The following CDK13 variants were observed in gnomAD, a reference collection of about 807,000 sequenced individuals.
CDK13 encodes the protein cyclin-dependent kinase 13.
Under a neutral mutation model 137.6 loss-of-function variants are expected in CDK13, and 40 were observed. The ratio of observed to expected loss-of-function variants is 0.29; its 90% CI spans 0.23 to 0.38. CDK13 has a LOEUF of 0.38. CDK13 is among the 10% of genes least tolerant of loss of function. The pLI, the probability that CDK13 is intolerant of heterozygous loss-of-function variation, is 1.00. For synonymous variants in CDK13, 869 were observed against 760.1 expected, an observed-to-expected ratio of 1.14 and a Z score of -2.36; for missense variants, 1,704 against 1,951.8, an observed-to-expected ratio of 0.87 and a Z score of 2.39.
rs115728504 is a variant in CDK13, at chr7:39,954,401, A to G, written c.1211+2549A>G. On this transcript the variant is annotated intron_variant, in intron 1 of 13. Transcript: ENST00000181839. ...GTTTTATTTATTTTCAGAATTTATTACTTGTGGTAAGTGGCCCATGTTCTT... is the reference window on the plus strand; with the variant it reads ...GTTTTATTTATTTTCAGAATTTATTGCTTGTGGTAAGTGGCCCATGTTCTT... 6.7e-3 allele frequency among the ~76,000 whole-genome samples: 1,021 copies of G among 152,322 alleles called. 14 individuals are homozygous for G. The highest frequency in any genetic ancestry group is 0.023 in the African/African-American group (975 of 41,570).
chr7:40,039,085 C>T (rs768460531), intron 5 of CDK13, among the ~76,000 whole-genome samples: 7 of 152,122 alleles, frequency 4.6e-5, no homozygotes, highest in Non-Finnish European at 8.8e-5. Flanking sequence ...GTCTCTCTTT[C>T]TCACTTTTTT....
chr7:40,003,206 A>ACACACACACACACACT (rs374470130), intron 5 of CDK13, among the ~76,000 whole-genome samples: 1 of 79,864 alleles, frequency 1.3e-5, no homozygotes, highest in African/African-American at 4.8e-5. Context: ...ACACACACAC[A>ACACACACACACACACT]CTCTCTCTCT....
intron 5 of CDK13, among the ~76,000 whole-genome samples, chr7:40,040,652 G>C (rs1234552934): frequency 1.3e-5 from 2 of 152,080 alleles, no homozygotes; most frequent in Non-Finnish European, 2.9e-5. Context: ...GTACTTTTCT[G>C]TCTTGTAAGA....
intron 11 of CDK13, among the ~76,000 whole-genome samples, chr7:40,083,939 A>AG (rs35292619): frequency 0.15 from 23,351 of 152,242 alleles, 2,330 homozygotes; most frequent in Middle Eastern, 0.28. Context: ...TTATGAGGTA[A>AG]GGACTATGAA....
intron 9 of CDK13, chr7:40,072,697 G>C (rs187903314): frequency 6.6e-6 from 1 of 152,210 alleles, no homozygotes; most frequent in Non-Finnish European, 1.5e-5. Context: ...AACTGTTGCT[G>C]TATATCAGTC....
chr7:39,960,498 C>G (rs1174087454), intron 1 of CDK13, among the ~76,000 whole-genome samples: 1 of 152,020 alleles, frequency 6.6e-6, no homozygotes, highest in Non-Finnish European at 1.5e-5. Context: ...ACCTCGTGAT[C>G]CGCCCGCCTT....
At chr7:39,984,988 A>G (rs1191340749) in intron 1 of CDK13, 2 of 146,686 alleles carry the variant, frequency 1.4e-5, no homozygotes, top group Non-Finnish European at 3.0e-5. Context: ...CTGGAGCGAG[A>G]CTCTGACTAA....
chr7:40,010,610 A>T (rs1784874890), intron 5 of CDK13, among the ~76,000 whole-genome samples: 1 of 152,322 alleles, frequency 6.6e-6, no homozygotes, highest in Non-Finnish European at 1.5e-5. Flanking sequence ...TGAAACTGGG[A>T]GACAGAGGTT....
chr7:40,003,135 A>T (rs773396), intron 5 of CDK13, among the ~76,000 whole-genome samples: 2 of 146,328 alleles, frequency 1.4e-5, no homozygotes, highest in African/African-American at 2.6e-5. Context: ...TGGTACTTAG[A>T]CTCCTGTCTT....
chr7:39,972,455 A>T (rs991259412), intron 1 of CDK13, among the ~76,000 whole-genome samples: 4 of 152,210 alleles, frequency 2.6e-5, no homozygotes, highest in African/African-American at 9.7e-5. Context: ...CTCCATGGCT[A>T]TTTAGCAGTC....
At chr7:39,963,933 C>A (rs1392812624) in intron 1 of CDK13, among the ~76,000 whole-genome samples, 1 of 152,160 alleles carries the variant, frequency 6.6e-6, no homozygotes, top group Non-Finnish European at 1.5e-5. Context: ...TATTGATTTG[C>A]ATATGTTGAA....
chr7:40,076,528 G>C (rs1786548068), intron 9 of CDK13, among the ~76,000 whole-genome samples: 1 of 152,176 alleles, frequency 6.6e-6, no homozygotes, highest in Non-Finnish European at 1.5e-5. Context: ...TGCTACAGGA[G>C]TTGGGCTTTC....
In CDK13 at chr7:40,094,984, T is replaced by C. The variant is rs1787015102; in HGVS notation, c.*4T>C. The C allele has an allele frequency of 7.3e-7, 1 of 1,369,394 alleles. No individual in the cohort carries two copies. Among genetic ancestry groups the C allele is most frequent in the Non-Finnish European group, 9.5e-7 (1 of 1,056,498 alleles). The allele number at this position is 1,369,394 out of a possible 1,614,324, so 84.8% of individuals were successfully genotyped here. A position where few individuals can be genotyped will look rare whatever the true frequency, so the allele number is the denominator to read the frequency against. ...AGGCAGAGGGTTACCATACTGAGTA[T>C]CTGTTTTTCCTCAGGCACATCATTT... On this transcript the variant is annotated 3_prime_UTR_variant, in exon 14 of 14. Coordinates refer to ENST00000181839, the MANE Select transcript of CDK13 (RefSeq NM_003718.5).
intron 5 of CDK13, among the ~76,000 whole-genome samples, chr7:40,030,231 A>C (rs1282147506): frequency 2.4e-5 from 1 of 41,046 alleles, no homozygotes; most frequent in African/African-American, 1.2e-4. Context: ...ATATATATAT[A>C]TATGTGTGTG....
At chr7:40,003,564 C>T (rs1784738790) in intron 5 of CDK13, among the ~76,000 whole-genome samples, 1 of 152,108 alleles carries the variant, frequency 6.6e-6, no homozygotes, top group Non-Finnish European at 1.5e-5. Flanking sequence ...TCCCTTCATC[C>T]ATAAAAGGGA....
chr7:40,089,725 T>A (rs798862), intron 12 of CDK13, among the ~76,000 whole-genome samples: 8,943 of 86,900 alleles, frequency 0.1, 255 homozygotes, highest in Non-Finnish European at 0.14. Flanking sequence ...AGAGAGAGAG[T>A]GTGTGTGTGT....
intron 1 of CDK13, among the ~76,000 whole-genome samples, chr7:39,973,500 T>C (rs1784044003): frequency 6.6e-6 from 1 of 152,216 alleles, no homozygotes; most frequent in African/African-American, 2.4e-5. Flanking sequence ...TTTTATACTG[T>C]CTATTCTAGA....
chr7:40,069,317 G>A (rs914129466), intron 9 of CDK13: 1 of 455,736 alleles, frequency 2.2e-6, no homozygotes, highest in Non-Finnish European at 4.4e-6. Flanking sequence ...CAGACATGAA[G>A]AAAATGAAGT....
chr7:40,061,930 A>G (rs956875733), intron 7 of CDK13: 3 of 152,198 alleles, frequency 2.0e-5, no homozygotes, highest in Non-Finnish European at 2.9e-5. Context: ...GGAAGGTGAT[A>G]AAGGAATTAT....
Sources: allele counts gnomAD v4.1 joint callset (sites outside exome capture counted in the v4.1 genomes callset), GRCh38; gene constraint gnomAD v4.1.1; transcripts MANE v1.5; gene names NCBI Gene and HGNC (gene_info 2026-07-23, HGNC 2026-07-21).